Variants in DGKB observed in about 807,000 individuals in gnomAD.
The protein encoded by DGKB is diacylglycerol kinase beta.
Under a neutral mutation model 114.3 loss-of-function variants are expected in DGKB, and 67 were observed. The observed-to-expected ratio is 0.59, with a 90% CI of 0.48 to 0.72. The LOEUF is 0.72. DGKB is among the 30% of genes least tolerant of loss of function. DGKB has a pLI of 0.00. For synonymous variants in DGKB, 398 were observed against 323.1 expected, an observed-to-expected ratio of 1.23 and a Z score of -2.49; for missense variants, 907 against 975.2, an observed-to-expected ratio of 0.93 and a Z score of 0.93.
At chr7:14,793,422 T>C (rs1220834143) in intron 2 of DGKB, among the ~76,000 whole-genome samples, 4 of 152,120 alleles carry the variant, frequency 2.6e-5, no homozygotes, top group Non-Finnish European at 4.4e-5. Context: ...TATTGCTCCT[T>C]TCTATTTCCT....
At chr7:14,330,544 CATAAAAAGTTATAGCATT>C (rs1809543309) in intron 23 of DGKB, among the ~76,000 whole-genome samples, 1 of 151,934 alleles carries the variant, frequency 6.6e-6, no homozygotes, top group Non-Finnish European at 1.5e-5. Context: ...CCAATTCTAC[CATAAAAAGTTATAGCATT>C]ATACTTCTTG....
chr7:14,950,250 C>A (rs1037492431), intron 1 of DGKB, among the ~76,000 whole-genome samples: 1 of 151,800 alleles, frequency 6.6e-6, no homozygotes, highest in Non-Finnish European at 1.5e-5. Flanking sequence ...TGAAATGCAG[C>A]TAATACAATG....
chr7:14,284,451 G>C (rs1300585202), intron 23 of DGKB, among the ~76,000 whole-genome samples: 2 of 145,430 alleles, frequency 1.4e-5, no homozygotes, highest in Admixed American at 1.3e-4. Flanking sequence ...AAGTCAGTGT[G>C]GTGATTCCTC....
intron 20 of DGKB, among the ~76,000 whole-genome samples, chr7:14,539,581 G>A (rs1457536020): frequency 6.6e-6 from 1 of 152,048 alleles, no homozygotes; most frequent in Non-Finnish European, 1.5e-5. Flanking sequence ...TGAAAGTTAA[G>A]CAAGGGTTTT....
chr7:14,194,636 A>T (rs75331269), intron 23 of DGKB, among the ~76,000 whole-genome samples: 1 of 152,164 alleles, frequency 6.6e-6, no homozygotes, highest in Non-Finnish European at 1.5e-5. Flanking sequence ...ATGTTATATT[A>T]TGTTATATAT....
intron 1 of DGKB, among the ~76,000 whole-genome samples, chr7:14,854,160 C>T (rs1342588625): frequency 6.6e-6 from 1 of 152,076 alleles, no homozygotes; most frequent in East Asian, 1.9e-4. Flanking sequence ...CCAAGTTAAA[C>T]GTATATAATT....
In DGKB at chr7:14,581,510, C is replaced by T. The variant is rs952945384; in HGVS notation, c.1520-559G>A. On this transcript the variant is annotated intron_variant, in intron 18 of 25. Coordinates refer to ENST00000402815, the MANE Select transcript of DGKB (RefSeq NM_001350709.2). ...CACAACGTTAACAGCTGGAATACAA[C>T]GAGATCAGCAGGTTTTCCATGAGAT... Among the ~76,000 whole-genome samples, 9 of 152,166 alleles carry T rather than the reference C, an allele frequency of 5.9e-5. No individual in the cohort carries two copies. The South Asian group carries it at 6.2e-4, about 10-fold the overall frequency.
At chr7:14,342,799 A>G (rs1811826794) in intron 22 of DGKB, among the ~76,000 whole-genome samples, 1 of 151,898 alleles carries the variant, frequency 6.6e-6, no homozygotes, top group Non-Finnish European at 1.5e-5. Flanking sequence ...CATGATATTC[A>G]TATCAACCCA....
chr7:14,488,808 G>A (rs1453474634), intron 20 of DGKB, among the ~76,000 whole-genome samples: 1 of 149,916 alleles, frequency 6.7e-6, no homozygotes, highest in East Asian at 2.0e-4. Flanking sequence ...ATCCAAACGG[G>A]GTGACAGAGC....
intron 1 of DGKB, among the ~76,000 whole-genome samples, chr7:14,913,538 A>G (rs550719102): frequency 1.3e-5 from 2 of 151,202 alleles, no homozygotes; most frequent in Admixed American, 6.6e-5. Flanking sequence ...CTCTGACATT[A>G]AGGACCTTTA....
At chr7:14,772,499 ACT>A (rs1238485792) in intron 2 of DGKB, among the ~76,000 whole-genome samples, 8 of 152,214 alleles carry the variant, frequency 5.3e-5, no homozygotes, top group Non-Finnish European at 1.0e-4. Context: ...TATGAAATAC[ACT>A]TACAGAAAAG....
chr7:14,770,299 G>A (rs149506175), intron 2 of DGKB, among the ~76,000 whole-genome samples: 1,890 of 152,090 alleles, frequency 0.012, 34 homozygotes, highest in African/African-American at 0.042. Flanking sequence ...GTCAAGAATC[G>A]GGTTGCAAGG....
chr7:14,905,493 G>C (rs1460065600), upstream of DGKB, among the ~76,000 whole-genome samples: 1 of 151,986 alleles, frequency 6.6e-6, no homozygotes, highest in Non-Finnish European at 1.5e-5. Flanking sequence ...TAGATTTTCA[G>C]AAACTTCATG....
intron 18 of DGKB, among the ~76,000 whole-genome samples, chr7:14,582,261 T>C (rs1050939867): frequency 1.3e-5 from 2 of 152,196 alleles, no homozygotes; most frequent in African/African-American, 4.8e-5. Context: ...CATGGTCTCT[T>C]TTTCTAACTA....
intron 23 of DGKB, among the ~76,000 whole-genome samples, chr7:14,233,244 T>C (rs1792193843): frequency 6.6e-6 from 1 of 151,916 alleles, no homozygotes; most frequent in Admixed American, 6.6e-5. Flanking sequence ...GGGGAAACAA[T>C]TTTCAGACAA....
intron 2 of DGKB, among the ~76,000 whole-genome samples, chr7:14,811,081 A>G (rs1289781645): frequency 6.6e-6 from 1 of 152,202 alleles, no homozygotes; most frequent in African/African-American, 2.4e-5. Flanking sequence ...ATGAGCTTGA[A>G]GATTATTAAA....
intron 23 of DGKB, among the ~76,000 whole-genome samples, chr7:14,199,506 C>T (rs1193293307): frequency 6.6e-6 from 1 of 152,016 alleles, no homozygotes; most frequent in Non-Finnish European, 1.5e-5. Flanking sequence ...GGTCAGCACT[C>T]TGCAGGCGGC....
At chr7:14,858,564 G>A (rs1030163245) in intron 1 of DGKB, among the ~76,000 whole-genome samples, 2 of 152,120 alleles carry the variant, frequency 1.3e-5, no homozygotes, top group Non-Finnish European at 2.9e-5. Context: ...TAAGTGGGAT[G>A]GCAGCTTCAA....
At chr7:14,837,894 G>C (rs11765149) in intron 2 of DGKB, among the ~76,000 whole-genome samples, 10,334 of 152,174 alleles carry the variant, frequency 0.068, 478 homozygotes, top group Admixed American at 0.11. Context: ...AGGAAATCTA[G>C]CACTTTTCAT....
Sources: gnomAD v4.1 joint callset for allele counts (sites outside exome capture counted in the v4.1 genomes callset) on GRCh38, gnomAD v4.1.1 for gene constraint, MANE v1.5 for transcripts, NCBI Gene and HGNC (gene_info 2026-07-23, HGNC 2026-07-21) for gene names.